KCNMB4: variants seen among roughly 807,000 people sequenced by gnomAD.
KCNMB4 encodes the protein potassium calcium-activated channel subfamily M regulatory beta subunit 4, also known as calcium-activated potassium channel subunit beta-4.
Under a neutral mutation model 20.7 loss-of-function variants are expected in KCNMB4, and 3 were observed. The observed-to-expected ratio is 0.14, with a 90% CI of 0.07 to 0.37. KCNMB4 has a LOEUF of 0.37. KCNMB4 is among the 10% of genes least tolerant of loss of function. The probability of loss-of-function intolerance (pLI) is 1.00; values close to 1 mark genes in which losing one functional copy is unlikely to be tolerated. For missense variants in KCNMB4, 168 were observed against 265.9 expected (o/e 0.63, Z 2.56); for synonymous variants, 110 against 113.4 (o/e 0.97, Z 0.19).
intron 2 of KCNMB4, among the ~76,000 whole-genome samples, chr12:70,412,042 G>A (rs1868793452): frequency 6.6e-6 from 1 of 152,132 alleles, no homozygotes; most frequent in Non-Finnish European, 1.5e-5. Context: ...TAGAATTAGT[G>A]GAGGAAGAAA....
intron 2 of KCNMB4, among the ~76,000 whole-genome samples, chr12:70,407,450 GT>G (rs1351632853): frequency 1.4e-5 from 2 of 144,736 alleles, no homozygotes; most frequent in African/African-American, 5.1e-5. Context: ...GAGAGAGGTG[GT>G]GCTGAATTCT....
chr12:70,384,111 C>G (rs548990045), intron 1 of KCNMB4, among the ~76,000 whole-genome samples: 60 of 152,276 alleles, frequency 3.9e-4, no homozygotes, highest in African/African-American at 1.4e-3. Context: ...AGGGCCTACT[C>G]TAATCCACTG....
intron 1 of KCNMB4, among the ~76,000 whole-genome samples, chr12:70,387,051 C>T (rs1868263161): frequency 6.6e-6 from 1 of 152,014 alleles, no homozygotes; most frequent in South Asian, 2.1e-4. Context: ...CATTTTGTAA[C>T]CTTTCCCACT....
rs150341645 is a variant in KCNMB4 at position 70,422,903 on chromosome 12, GT to G, written c.465-7579del. On this transcript the variant is annotated intron_variant, in intron 2 of 2. Coordinates refer to ENST00000258111, the MANE Select transcript of KCNMB4 (RefSeq NM_014505.6). ...ACTCTGGGAGCACAGAGTGGCGACG[GT>G]TTCCCCAGGCCTCTACTTTAGGAGA... The G allele has an allele frequency of 3.4e-3, 3,642 of 1,073,846 alleles. 103 individuals are homozygous for G. The African/African-American group carries it at 0.055, about 16-fold the overall frequency. 66.5% of individuals were successfully genotyped at this position (1,073,846 alleles called of 1,614,324 possible).
intron 2 of KCNMB4, among the ~76,000 whole-genome samples, chr12:70,415,827 A>G (rs971455475): frequency 3.3e-5 from 5 of 152,218 alleles, no homozygotes; most frequent in African/African-American, 9.6e-5. Flanking sequence ...GCACATGCCA[A>G]GCATTATTCT....
rs1869398537 is a variant in KCNMB4, at chr12:70,432,584, T to A, written c.*1931T>A. ...CACCACCGTGCTTGGCTCCAATAAT[T>A]TTTTTTCTAATTCAAAAGTTACAGT... On this transcript the variant is annotated 3_prime_UTR_variant, in exon 3 of 3. Coordinates refer to ENST00000258111, the MANE Select transcript of KCNMB4 (RefSeq NM_014505.6). The A allele has an allele frequency of 1.3e-5, 2 of 152,228 alleles. No homozygotes were observed. Among genetic ancestry groups the A allele is most frequent in the East Asian group, 3.9e-4 (2 of 5,164 alleles). The allele number at this position is 152,228 out of a possible 1,614,324, so 9.4% of individuals were successfully genotyped here.
chr12:70,387,412 T>C (rs1868266706), intron 1 of KCNMB4, among the ~76,000 whole-genome samples: 1 of 147,858 alleles, frequency 6.8e-6, no homozygotes, highest in African/African-American at 2.5e-5. Context: ...TTTTTTTTTT[T>C]TTTTTGTGAG....
At chr12:70,425,282 A>C (rs530717377) in intron 2 of KCNMB4, among the ~76,000 whole-genome samples, 47 of 152,044 alleles carry the variant, frequency 3.1e-4, no homozygotes, top group Middle Eastern at 3.4e-3. Flanking sequence ...TAAAAACACA[A>C]AAAAAATTAG....
At chr12:70,423,017 G>GT (rs1170580771) in intron 2 of KCNMB4, among the ~76,000 whole-genome samples, 1 of 152,154 alleles carries the variant, frequency 6.6e-6, no homozygotes, top group Non-Finnish European at 1.5e-5. Context: ...CCCAGCTACC[G>GT]TAAGAATTTA....
chr12:70,424,591 C>T (rs1162592691), intron 2 of KCNMB4, among the ~76,000 whole-genome samples: 2 of 151,812 alleles, frequency 1.3e-5, no homozygotes, highest in Non-Finnish European at 1.5e-5. Flanking sequence ...CTCTACTAAA[C>T]GTACAAAAAT....
chr12:70,384,365 G>A (rs757863664), intron 1 of KCNMB4, among the ~76,000 whole-genome samples: 2 of 152,112 alleles, frequency 1.3e-5, no homozygotes, highest in Admixed American at 6.5e-5. Flanking sequence ...AAACACAAGA[G>A]ACTAAATATT....
intron 2 of KCNMB4, among the ~76,000 whole-genome samples, chr12:70,425,540 G>A (rs1869189713): frequency 6.6e-6 from 1 of 152,156 alleles, no homozygotes; most frequent in African/African-American, 2.4e-5. Flanking sequence ...TATGACATAG[G>A]CACCTCTTTC....
At chr12:70,423,637 C>T (rs560508587) in intron 2 of KCNMB4, among the ~76,000 whole-genome samples, 1 of 152,170 alleles carries the variant, frequency 6.6e-6, no homozygotes, top group East Asian at 1.9e-4. Context: ...GCCACCACGC[C>T]CATCGAATTT....
chr12:70,407,160 C>T (rs1868627078), intron 2 of KCNMB4, among the ~76,000 whole-genome samples: 2 of 152,134 alleles, frequency 1.3e-5, no homozygotes, highest in African/African-American at 4.8e-5. Flanking sequence ...TCCCTCCTTG[C>T]ATTCAATAAT....
At chr12:70,399,618 C>A (rs1312023230) in intron 1 of KCNMB4, among the ~76,000 whole-genome samples, 1 of 152,156 alleles carries the variant, frequency 6.6e-6, no homozygotes, top group East Asian at 1.9e-4. Flanking sequence ...TAATAGAGCT[C>A]CTTTAAGAGA....
chr12:70,422,774 T>G (rs1869100744), intron 2 of KCNMB4: 3 of 1,278,950 alleles, frequency 2.3e-6, no homozygotes, highest in Non-Finnish European at 3.0e-6. Context: ...TTATCCTTAA[T>G]AGGCCCCCGA....
intron 1 of KCNMB4, among the ~76,000 whole-genome samples, chr12:70,393,447 C>T (rs942430683): frequency 1.3e-5 from 2 of 152,058 alleles, no homozygotes; most frequent in Admixed American, 6.5e-5. Flanking sequence ...GTGACCCACC[C>T]GCCTTGGCCC....
At chr12:70,380,668 A>G (rs913596234) in intron 1 of KCNMB4, among the ~76,000 whole-genome samples, 2 of 151,898 alleles carry the variant, frequency 1.3e-5, no homozygotes, top group African/African-American at 2.4e-5. Context: ...AAAAAAACCT[A>G]TACATCATGG....
intron 1 of KCNMB4, among the ~76,000 whole-genome samples, chr12:70,394,887 G>A (rs1248004460): frequency 6.6e-6 from 1 of 152,066 alleles, no homozygotes; most frequent in Non-Finnish European, 1.5e-5. Context: ...GTGTGGTCTT[G>A]AACTCCTGAG....
Sources: allele counts gnomAD v4.1 joint callset (sites outside exome capture counted in the v4.1 genomes callset), GRCh38; gene constraint gnomAD v4.1.1; transcripts MANE v1.5; gene names NCBI Gene and HGNC (gene_info 2026-07-23, HGNC 2026-07-21).